The following SCARF1 variants were observed in gnomAD, a reference collection of about 807,000 sequenced individuals.
SCARF1 encodes the protein scavenger receptor class F member 1.
A neutral mutation model predicts 76.3 loss-of-function variants in SCARF1; 49 were observed. That is an observed-to-expected ratio of 0.64 (90% CI 0.51 to 0.81). The LOEUF is 0.81. SCARF1 is among the 40% of genes least tolerant of loss of function. The pLI, the probability that SCARF1 is intolerant of heterozygous loss-of-function variation, is 0.00. For missense variants in SCARF1, 1,098 were observed against 1,143.9 expected, an observed-to-expected ratio of 0.96 and a Z score of 0.58; for synonymous variants, 495 against 474.6, an observed-to-expected ratio of 1.04 and a Z score of -0.56.
In SCARF1 at chr17:1,640,489, A is replaced by G. The variant is rs1262120154; in HGVS notation, c.969T>C (p.Thr323=). The change falls in exon 5 of 11, where the codon ACT becomes ACC. Residue 323 remains threonine (T), a synonymous_variant. Transcript: ENST00000263071. This position sits in a 1 kb window ranked among gnomAD's most constrained non-coding sequence, Gnocchi z 4.7. Reference sequence around the variant, plus strand: ...CAGGGTCACAGCGCTGACAGTGGCCAGTATCTGGCTCACAGGCCTCCCCAT... The same window carrying G: ...CAGGGTCACAGCGCTGACAGTGGCCGGTATCTGGCTCACAGGCCTCCCCAT... ...CRHGEACEPD[T]GHCQRCDPGW... 6.3e-7 allele frequency: 1 copy of G among 1,576,378 alleles called. No individual in the cohort carries two copies. Among genetic ancestry groups the G allele is most frequent in the Non-Finnish European group, 8.6e-7 (1 of 1,160,652 alleles).
Position 1,644,116 on chromosome 17 carries a change from G to A in SCARF1, c.266-149C>T. 1 of 560,192 alleles carries A rather than the reference G, an allele frequency of 1.8e-6. No individual in the cohort carries two copies. The allele number at this position is 560,192 out of a possible 1,614,324, so 34.7% of individuals were successfully genotyped here. A position where few individuals can be genotyped will look rare whatever the true frequency, so the allele number is the denominator to read the frequency against. ...CAGAACATCCGGCAGCCTGTCCTGGGCAACACTCACTTCCTGCTCCGCTCT... is the reference window on the plus strand; with the variant it reads ...CAGAACATCCGGCAGCCTGTCCTGGACAACACTCACTTCCTGCTCCGCTCT... On this transcript the variant is annotated intron_variant, in intron 3 of 10. Coordinates refer to ENST00000263071, the MANE Select transcript of SCARF1 (RefSeq NM_003693.4). This position sits in a 1 kb window ranked among gnomAD's most constrained non-coding sequence, Gnocchi z 4.8.
rs944167711 is a variant in SCARF1 at position 1,645,392 on chromosome 17, C to A, written c.102-153G>T. 3.9e-5 allele frequency among the ~76,000 whole-genome samples: 6 copies of A among 152,038 alleles called. No individual in the cohort carries two copies. The highest frequency in any genetic ancestry group is 6.5e-5 in the Admixed American group (1 of 15,272). ...TTACAGCTAGGGTCCCCAGCCCCTCCCCTCTCCTTCCCTGACCCTTCCACC... is the reference window on the plus strand; with the variant it reads ...TTACAGCTAGGGTCCCCAGCCCCTCACCTCTCCTTCCCTGACCCTTCCACC... On this transcript the variant is annotated intron_variant, in intron 1 of 10. Coordinates refer to ENST00000263071, the MANE Select transcript of SCARF1 (RefSeq NM_003693.4). The surrounding 1 kb of genome is among the most constrained non-coding windows in gnomAD (Gnocchi z 6.3).
Position 1,640,582 on chromosome 17 carries a change from C to A in SCARF1, c.876G>T (p.Gln292His). The change falls in exon 5 of 11, where the codon CAG (glutamine) becomes CAT (histidine). Residue 292 changes from glutamine (Q) to histidine (H), a missense_variant. Coordinates refer to ENST00000263071, the MANE Select transcript of SCARF1 (RefSeq NM_003693.4). This position sits in a 1 kb window ranked among gnomAD's most constrained non-coding sequence, Gnocchi z 4.7. Reference protein sequence around the residue: ...ESCEPGWNGTQCQQPCLPGTF... With the variant: ...ESCEPGWNGTHCQQPCLPGTF... Reference sequence around the variant, plus strand: ...TGCCAGGCAGGCAGGGCTGCTGGCACTGGGTCCCGTTCCAGCCCGGCTCGC... The same window carrying A: ...TGCCAGGCAGGCAGGGCTGCTGGCAATGGGTCCCGTTCCAGCCCGGCTCGC... The A allele has an allele frequency of 1.9e-6, 3 of 1,611,862 alleles. No individual in the cohort carries two copies. The highest frequency in any genetic ancestry group is 1.3e-5 in the African/African-American group (1 of 75,028).
In SCARF1 at chr17:1,638,560, C is replaced by T. The variant is rs145832653; in HGVS notation, c.1364+246G>A. On this transcript the variant is annotated intron_variant, in intron 8 of 10. Coordinates refer to ENST00000263071, the MANE Select transcript of SCARF1 (RefSeq NM_003693.4). ...GCAGCTGACCCGGTGTCTCCAGTGT[C>T]TCCAGGCCACGGGCACTGCCAACTA... 311 of 348,440 alleles carry T rather than the reference C, an allele frequency of 8.9e-4. 2 individuals carry two copies. The East Asian group carries it at 0.013, about 15-fold the overall frequency. 21.6% of individuals were successfully genotyped at this position (348,440 alleles called of 1,614,324 possible).
chr17:1,642,697 G>A (rs748385380), intron 4 of SCARF1, among the ~76,000 whole-genome samples: 3 of 152,124 alleles, frequency 2.0e-5, no homozygotes, highest in Non-Finnish European at 2.9e-5. Context: ...GGGCAACAAA[G>A]CGTTTTTAAA....
rs138762567 is a variant in SCARF1 at position 1,639,894 on chromosome 17, C to T, written c.1139+18G>A. 187 of 1,612,390 alleles carry T rather than the reference C, an allele frequency of 1.2e-4. No homozygotes were observed. In the African/African-American group the frequency reaches 1.9e-3, roughly 16 times the overall value. On this transcript the variant is annotated intron_variant, in intron 6 of 10. Coordinates refer to ENST00000263071, the MANE Select transcript of SCARF1 (RefSeq NM_003693.4). ...TAGGCCCCTGGCACTCTCCCGCCCC[C>T]GGGATCCCCATCCTTACCTGGGCCC...
chr17:1,641,060 C>G (rs1380013486), intron 4 of SCARF1, among the ~76,000 whole-genome samples: 1 of 152,172 alleles, frequency 6.6e-6, no homozygotes, highest in Non-Finnish European at 1.5e-5. Flanking sequence ...ATGAATGGGA[C>G]TCAGTAGTGT....
At position 1,635,475 on chromosome 17, in the gene SCARF1, G is replaced by A. The variant is rs756534892; in HGVS notation, c.1776C>T (p.Phe592=). 9.3e-6 allele frequency: 15 copies of A among 1,613,948 alleles called. No individual in the cohort carries two copies. The highest frequency in any genetic ancestry group is 5.3e-5 in the African/African-American group (4 of 74,934). The change falls in exon 11 of 11, where the codon TTC becomes TTT. Residue 592 remains phenylalanine, a synonymous_variant. Transcript: ENST00000263071. The part of the protein sequence containing the change: ...LARAKRPSVS[F]AEGTKFAPQS... ...GTGGTGCAAACTTGGTACCTTCCGC[G>A]AAGGAGACCGATGGCCGCTTGGCCC...
In SCARF1 at chr17:1,644,756, A is replaced by T. The variant is rs543953323; in HGVS notation, c.265+78T>A. ...CCTGCTGTCCTGAGGCTGCATGGCT[A>T]CCTGCCTCGCCTGCTCCCACACCAC... is the stretch of plus-strand genomic sequence containing the variant. On this transcript the variant is annotated intron_variant, in intron 3 of 10. Transcript: ENST00000263071. The surrounding 1 kb of genome is among the most constrained non-coding windows in gnomAD (Gnocchi z 4.8). The T allele has an allele frequency of 2.5e-5, 34 of 1,377,706 alleles. No individual in the cohort carries two copies. The South Asian group carries it at 3.9e-4, about 16-fold the overall frequency. 85.3% of individuals were successfully genotyped at this position (1,377,706 alleles called of 1,614,324 possible). A position where few individuals can be genotyped will look rare whatever the true frequency, so the allele number is the denominator to read the frequency against.
chr17:1,637,933 A>G (rs926062010), intron 8 of SCARF1, among the ~76,000 whole-genome samples: 2 of 152,024 alleles, frequency 1.3e-5, no homozygotes, highest in African/African-American at 4.8e-5. Flanking sequence ...CCTGGGCTCT[A>G]TGCCCTGGGC....
chr17:1,643,373 C>T (rs1218356577), intron 4 of SCARF1, 69 bp downstream of exon 4: 3 of 692,018 alleles, frequency 4.3e-6, no homozygotes, highest in African/African-American at 2.2e-5. Flanking sequence ...TGTCTCCGCC[C>T]CGCCCCGCCT....
At chr17:1,643,285 ACCGGTGTCCGCCCCGCCCACC>A (rs1910218060) in intron 4 of SCARF1, 136 bp downstream of exon 4, 6 of 32,952 alleles carry the variant, frequency 1.8e-4, no homozygotes, top group African/African-American at 1.0e-3. Flanking sequence ...CGCCCCGCCC[ACCGGTGTCCGCCCCGCCCACC>A]GGTGTCCGCC....
chr17:1,636,192 T>C (rs1023482302), intron 10 of SCARF1, among the ~76,000 whole-genome samples: 2 of 152,210 alleles, frequency 1.3e-5, no homozygotes, highest in African/African-American at 4.8e-5. Context: ...CCTACTTGTA[T>C]GTCCCCCATG....
Position 1,636,726 on chromosome 17 carries a change from CAGT to C in SCARF1, c.1613_1615del (p.Tyr538del), listed in dbSNP as rs1909593604. The C allele has an allele frequency of 1.2e-6, 2 of 1,613,860 alleles. No homozygotes were observed. On this transcript the variant is annotated inframe_deletion, in exon 10 of 11. Transcript: ENST00000263071. ...GGGGCTACCTTCTTGGGGTGGCACA[CAGT>C]AGGCAGGAACCTCATCTGCCTCTCC...
Position 1,635,360 on chromosome 17 carries a change from C to T in SCARF1, c.1891G>A (p.Glu631Lys). 2 of 1,613,174 alleles carry T rather than the reference C, an allele frequency of 1.2e-6. No individual in the cohort carries two copies. Among genetic ancestry groups the T allele is most frequent in the Non-Finnish European group, 1.7e-6 (2 of 1,179,468 alleles). Residue 631 changes from glutamate to lysine, a missense_variant, in exon 11 of 11, where the codon GAA becomes AAA. Physicochemically the swap from Glu to Lys is moderately conservative, Grantham distance 56 (BLOSUM62 1). Coordinates refer to ENST00000263071, the MANE Select transcript of SCARF1 (RefSeq NM_003693.4). ...TCTGGGCCTGTGGACTCTTCGGCTT[C>T]CCGGCCCTCAGGACCCGACTGCGCC... ...RGAQSGPEGREAEESTGPEEA... is the reference protein window; with the variant it reads ...RGAQSGPEGRKAEESTGPEEA...
At position 1,643,937 on chromosome 17, in the gene SCARF1, C is replaced by T; in HGVS notation, c.296G>A (p.Cys99Tyr). 7.4e-7 allele frequency: 1 copy of T among 1,352,234 alleles called. No individual in the cohort carries two copies. The highest frequency in any genetic ancestry group is 9.5e-7 in the Non-Finnish European group (1 of 1,055,060). The allele number at this position is 1,352,234 out of a possible 1,614,324, so 83.8% of individuals were successfully genotyped here. The change falls in exon 4 of 11, where the codon TGC (cysteine) becomes TAC (tyrosine). Residue 99 changes from cysteine to tyrosine, a missense_variant. Transcript: ENST00000263071. ...CGGGTGGCAGGGGCAGCTCTCACGG[C>T]AGTCGGGGCCCCAGTACTGGCCCGG... is the stretch of plus-strand genomic sequence containing the variant. ...RCPGQYWGPD[C>Y]RESCPCHPHG...
rs776041126 is a variant in SCARF1, at chr17:1,643,587, C to T, written c.646G>A (p.Gly216Ser). The T allele has an allele frequency of 6.8e-6, 10 of 1,473,228 alleles. No individual in the cohort carries two copies. Among genetic ancestry groups the T allele is most frequent in the East Asian group, 3.0e-5 (1 of 33,614 alleles). The allele number at this position is 1,473,228 out of a possible 1,614,324, so 91.3% of individuals were successfully genotyped here. A position where few individuals can be genotyped will look rare whatever the true frequency, so the allele number is the denominator to read the frequency against. Residue 216 changes from glycine to serine, a missense_variant, in exon 4 of 11, where the codon GGT (glycine) becomes AGT (serine). Coordinates refer to ENST00000263071, the MANE Select transcript of SCARF1 (RefSeq NM_003693.4). ...GRCACRPGWW[G>S]PECQQQCECV... ...TCGCACTGCTGCTGGCATTCGGGAC[C>T]CCACCAGCCCGGCCGGCAGGCGCAG...
At chr17:1,643,314 G>GCCCCGCCCACCGGTGTCCGC (rs1910227057) in intron 4 of SCARF1, 128 bp downstream of exon 4, 1 of 57,806 alleles carries the variant, frequency 1.7e-5, no homozygotes, top group African/African-American at 1.1e-4. Context: ...ACCGGTGTCC[G>GCCCCGCCCACCGGTGTCCGC]CCCCGCCCAC....
In SCARF1 at chr17:1,634,821, C is replaced by A. The variant is rs1363256390; in HGVS notation, c.2430G>T (p.Glu810Asp). Residue 810 changes from glutamate to aspartate, a missense_variant, in exon 11 of 11, where the codon GAG (glutamate) becomes GAT (aspartate). Coordinates refer to ENST00000263071, the MANE Select transcript of SCARF1 (RefSeq NM_003693.4). ...PEQDPQKQAE[E>D]ERQEEPEYEN... ...CATACTCAGGTTCCTCCTGCCTTTCCTCTTCAGCCTGCTTCTGGGGATCCT... is the reference window on the plus strand; with the variant it reads ...CATACTCAGGTTCCTCCTGCCTTTCATCTTCAGCCTGCTTCTGGGGATCCT... 1 of 1,613,418 alleles carries A rather than the reference C, an allele frequency of 6.2e-7. No homozygotes were observed. The highest frequency in any genetic ancestry group is 2.2e-5 in the East Asian group (1 of 44,844).
Sources: gnomAD v4.1 joint callset for allele counts (sites outside exome capture counted in the v4.1 genomes callset) on GRCh38, gnomAD v4.1.1 for gene constraint, Gnocchi (gnomAD v3.1) non-coding constraint, MANE v1.5 for transcripts, NCBI Gene and HGNC (gene_info 2026-07-23, HGNC 2026-07-21) for gene names.